Variants in OTOGL observed in about 807,000 individuals in gnomAD.
OTOGL encodes the protein otogelin like, also known as otogelin-like protein.
In OTOGL, 285 loss-of-function variants were observed where a neutral mutation model predicts 318.5. That is an observed-to-expected ratio of 0.89 (90% CI 0.81 to 0.99). The LOEUF is 0.99. OTOGL is among the 50% of genes least tolerant of loss of function. The pLI is 0.00. For missense variants in OTOGL, 2,899 were observed against 2,845.6 expected (o/e 1.02, Z -0.43); for synonymous variants, 987 against 936.5 (o/e 1.05, Z -0.99).
intron 1 of OTOGL, among the ~76,000 whole-genome samples, chr12:80,207,121 A>G (rs1876866762): frequency 6.6e-6 from 1 of 152,218 alleles, no homozygotes; most frequent in Non-Finnish European, 1.5e-5. Flanking sequence ...AGAAATAACT[A>G]TTATAAAATG....
Position 80,301,014 on chromosome 12 carries a change from G to T in OTOGL, c.3064-1620G>T, listed in dbSNP as rs182425954. 6.3e-4 allele frequency among the ~76,000 whole-genome samples: 96 copies of T among 152,288 alleles called. 1 individual carries two copies. Among genetic ancestry groups the T allele is most frequent in the Admixed American group, 1.9e-3 (29 of 15,296 alleles). On this transcript the variant is annotated intron_variant, in intron 27 of 58. Coordinates refer to ENST00000547103, the MANE Select transcript of OTOGL (RefSeq NM_001378609.3). ...TTTTAAGTATGACCTTGGTCTAGGA[G>T]ACTGAAAACTCCTTATGGATATGAC...
chr12:80,338,319 T>A (rs1447965179), intron 42 of OTOGL, among the ~76,000 whole-genome samples: 1 of 151,942 alleles, frequency 6.6e-6, no homozygotes, highest in African/African-American at 2.4e-5. Context: ...TCTTAAAGAA[T>A]AAGTAGAAAG....
intron 1 of OTOGL, among the ~76,000 whole-genome samples, chr12:80,163,978 C>T (rs1480279457): frequency 1.3e-5 from 2 of 151,992 alleles, no homozygotes; most frequent in African/African-American, 4.8e-5. Flanking sequence ...AGAATTGAGG[C>T]CAATAATCTA....
At chr12:80,287,688 A>T (rs537370385) in intron 26 of OTOGL, among the ~76,000 whole-genome samples, 2 of 151,756 alleles carry the variant, frequency 1.3e-5, no homozygotes, top group South Asian at 4.2e-4. Flanking sequence ...GTTGGTTTAG[A>T]GTCTGTTTTA....
chr12:80,149,289 GCAGGT>G (rs1872612639), intron 1 of OTOGL, among the ~76,000 whole-genome samples: 1 of 151,724 alleles, frequency 6.6e-6, no homozygotes, highest in Non-Finnish European at 1.5e-5. Context: ...ACCCTCAGCT[GCAGGT>G]CTGTTGGAGT....
At chr12:80,257,229 C>A (rs1387901067) in intron 17 of OTOGL, among the ~76,000 whole-genome samples, 3 of 151,850 alleles carry the variant, frequency 2.0e-5, no homozygotes, top group African/African-American at 7.3e-5. Context: ...TCATTTTTGA[C>A]CATTTTTATG....
chr12:80,321,890 G>T (rs1404241306), intron 34 of OTOGL, among the ~76,000 whole-genome samples: 1 of 152,202 alleles, frequency 6.6e-6, no homozygotes, highest in Non-Finnish European at 1.5e-5. Context: ...TGGTGAGCCA[G>T]TCCTCTAGGC....
chr12:80,134,747 G>T (rs1320435791), intron 1 of OTOGL, among the ~76,000 whole-genome samples: 1 of 152,108 alleles, frequency 6.6e-6, no homozygotes, highest in Admixed American at 6.5e-5. Context: ...TCTGCCTTAA[G>T]ATCAAATTAT....
chr12:80,333,755 C>G (rs370549083), intron 38 of OTOGL, among the ~76,000 whole-genome samples: 1 of 152,068 alleles, frequency 6.6e-6, no homozygotes, highest in East Asian at 1.9e-4. Context: ...ATTTGAAAAT[C>G]TTCACTGATA....
chr12:80,280,987 G>T (rs117116667), intron 26 of OTOGL, among the ~76,000 whole-genome samples: 9,993 of 151,220 alleles, frequency 0.066, 412 homozygotes, highest in Non-Finnish European at 0.085. Context: ...TCTGGATTTT[G>T]CTCTCAGCTT....
chr12:80,323,923 A>C (rs865793406), intron 35 of OTOGL, 83 bp downstream of exon 35: 28 of 1,068,930 alleles, frequency 2.6e-5, no homozygotes, highest in Non-Finnish European at 7.0e-6. Flanking sequence ...GATTTTAAAA[A>C]CAGCCATTCT....
intron 19 of OTOGL, among the ~76,000 whole-genome samples, chr12:80,263,381 T>C (rs948531598): frequency 2.6e-5 from 4 of 152,292 alleles, no homozygotes; most frequent in Non-Finnish European, 2.9e-5. Context: ...TAGAGTTCAA[T>C]TGATAAATTC....
At chr12:80,211,856 A>G in intron 3 of OTOGL, 93 bp from the exon 4 acceptor site, 1 of 1,015,306 alleles carries the variant, frequency 9.8e-7, no homozygotes, top group Non-Finnish European at 1.4e-6. Flanking sequence ...AGTGATGGAA[A>G]TCAGGAGGAA....
chr12:80,223,461 G>A (rs1033504128), intron 7 of OTOGL, among the ~76,000 whole-genome samples: 3 of 151,896 alleles, frequency 2.0e-5, no homozygotes, highest in African/African-American at 7.3e-5. Context: ...TAGGATTGCT[G>A]GGTCAAATGG....
intron 57 of OTOGL, among the ~76,000 whole-genome samples, chr12:80,372,995 C>T (rs1278137693): frequency 6.6e-6 from 1 of 152,008 alleles, no homozygotes; most frequent in Non-Finnish European, 1.5e-5. Context: ...ATTTTAAGGA[C>T]TGAAATAGAA....
At chr12:80,187,808 T>C (rs1313181016) in intron 1 of OTOGL, among the ~76,000 whole-genome samples, 2 of 152,198 alleles carry the variant, frequency 1.3e-5, no homozygotes, top group African/African-American at 2.4e-5. Flanking sequence ...TGGTGTCAGA[T>C]ACAAGCTTGG....
chr12:80,300,518 C>G lies in OTOGL; in HGVS notation c.3064-2116C>G, dbSNP rs755424590. ...TCTTTGTCTCATTGAACTTCACTGA[C>G]AAAACACGAATTCACAGGTAAAATT... On this transcript the variant is annotated intron_variant, in intron 27 of 58. Transcript: ENST00000547103. Among the ~76,000 whole-genome samples the G allele has an allele frequency of 1.3e-3, 202 of 152,160 alleles. 2 individuals are homozygous for G. Among genetic ancestry groups the G allele is most frequent in the Middle Eastern group, 3.4e-3 (1 of 294 alleles).
At chr12:80,323,617 C>T (rs564751366) in intron 34 of OTOGL, 106 bp from the exon 35 acceptor site, 13 of 857,746 alleles carry the variant, frequency 1.5e-5, no homozygotes, top group East Asian at 8.0e-5. Context: ...CCACTGCGCT[C>T]GAGCCTGAGT....
intron 1 of OTOGL, among the ~76,000 whole-genome samples, chr12:80,118,400 A>G (rs1186021245): frequency 2.6e-5 from 4 of 152,170 alleles, no homozygotes; most frequent in Non-Finnish European, 1.5e-5. Flanking sequence ...ATGATCTCAC[A>G]GCGCTAGGAG....
Sources: allele counts gnomAD v4.1 joint callset (sites outside exome capture counted in the v4.1 genomes callset), GRCh38; gene constraint gnomAD v4.1.1; transcripts MANE v1.5; gene names NCBI Gene and HGNC (gene_info 2026-07-23, HGNC 2026-07-21).